PCDHA2: variants seen among roughly 807,000 people sequenced by gnomAD.
The protein encoded by PCDHA2 is protocadherin alpha 2.
In PCDHA2, 58 loss-of-function variants were observed where a neutral mutation model predicts 66.0. That is an observed-to-expected ratio of 0.88 (90% CI 0.71 to 1.09). The LOEUF is 1.09. Ranked by LOEUF, PCDHA2 falls within the 50% of genes least tolerant of loss-of-function variation. PCDHA2 has a pLI of 0.00. For synonymous variants in PCDHA2, 634 were observed against 554.0 expected (o/e 1.14, Z -2.03); for missense variants, 1,267 against 1,242.3 (o/e 1.02, Z -0.30).
chr5:140,850,213 C>G (rs2041430498), intron 1 of PCDHA2: 1 of 1,593,510 alleles, frequency 6.3e-7, no homozygotes, highest in Admixed American at 1.7e-5. Flanking sequence ...ATGAGGGGCA[C>G]TGACGGCGCA....
rs572205670 is a variant in PCDHA2 at position 140,933,229 on chromosome 5, G to A, written c.2389-45720G>A. ...TACATGTCTGTTATATTGCATTTAT[G>A]AAAAAGAAAGGACTATAAACACAAA... On this transcript the variant is annotated intron_variant, in intron 1 of 3. Coordinates refer to ENST00000526136, the MANE Select transcript of PCDHA2 (RefSeq NM_018905.3). Among the ~76,000 whole-genome samples, 114 of 151,958 alleles carry A rather than the reference G, an allele frequency of 7.5e-4. 1 individual carries two copies. The highest frequency in any genetic ancestry group is 1.5e-3 in the Non-Finnish European group (99 of 67,810).
At chr5:140,896,309 A>T (rs1554186897) in intron 1 of PCDHA2, among the ~76,000 whole-genome samples, 1 of 152,184 alleles carries the variant, frequency 6.6e-6, no homozygotes. Flanking sequence ...AAATCTTCAA[A>T]CTGCTTTCCA....
rs1430137096 is a variant in PCDHA2, at chr5:140,871,495, G to A, written c.2388+74143G>A. On this transcript the variant is annotated intron_variant, in intron 1 of 3. Transcript: ENST00000526136. ...GCCAGGGTCAAATCACCCCGGACAG[G>A]TGAGTTTTCTACAGATTCCACCTAT... 5 of 1,588,092 alleles carry A rather than the reference G, an allele frequency of 3.1e-6. No homozygotes were observed. The African/African-American group carries it at 6.7e-5, about 21-fold the overall frequency.
chr5:140,917,329 G>T lies in PCDHA2; in HGVS notation c.2389-61620G>T, dbSNP rs543216216. Among the ~76,000 whole-genome samples the T allele has an allele frequency of 4.9e-5, 7 of 143,930 alleles. 1 individual carries two copies. The highest frequency in any genetic ancestry group is 1.6e-4 in the African/African-American group (6 of 37,952). The allele number at this position is 143,930 out of a possible 152,430, so 94.4% of individuals were successfully genotyped here. A position where few individuals can be genotyped will look rare whatever the true frequency, so the allele number is the denominator to read the frequency against. ...ACAATTTGGTGTTCATGTGGCGGGG[G>T]AGGGGGGGGATGGTGTAGGCTTCTG... On this transcript the variant is annotated intron_variant, in intron 1 of 3. Coordinates refer to ENST00000526136, the MANE Select transcript of PCDHA2 (RefSeq NM_018905.3).
chr5:140,808,730 G>C lies in PCDHA2; in HGVS notation c.2388+11378G>C, dbSNP rs1554124735. The C allele has an allele frequency of 8.1e-6, 13 of 1,612,052 alleles. No individual in the cohort carries two copies. The highest frequency in any genetic ancestry group is 6.7e-5 in the Admixed American group (4 of 60,000). On this transcript the variant is annotated intron_variant, in intron 1 of 3. Transcript: ENST00000526136. The stretch of plus-strand genomic sequence containing the variant: ...CTACGTTTCGGTGCATGCGGAGAGC[G>C]GCAAGGTGTACGCGCTGCAGCCGCT...
chr5:140,975,868 C>T (rs553871611), intron 1 of PCDHA2, among the ~76,000 whole-genome samples: 2 of 152,222 alleles, frequency 1.3e-5, no homozygotes, highest in East Asian at 3.9e-4. Flanking sequence ...ATATGGACTA[C>T]CTAATTGATT....
intron 1 of PCDHA2, chr5:140,842,623 G>A (rs1778148921): frequency 4.4e-6 from 7 of 1,579,148 alleles, no homozygotes; most frequent in Middle Eastern, 1.7e-4. Flanking sequence ...GCTCGCCTTC[G>A]CTGTGGGCCA....
At chr5:140,869,558 T>A in intron 1 of PCDHA2, 1 of 1,614,200 alleles carries the variant, frequency 6.2e-7, no homozygotes, top group Non-Finnish European at 8.5e-7. Flanking sequence ...GACTCGCGTT[T>A]TCCACTAGAG....
chr5:140,939,283 GATCTAATC>G lies in PCDHA2; in HGVS notation c.2389-39661_2389-39654del, dbSNP rs1257109202. ...TCTTTTATGAGAGCTGTGCCCTCGT[GATCTAATC>G]ATCTCTACAAAAGCCCTACCTCCTA... On this transcript the variant is annotated intron_variant, in intron 1 of 3. Coordinates refer to ENST00000526136, the MANE Select transcript of PCDHA2 (RefSeq NM_018905.3). Among the ~76,000 whole-genome samples the G allele has an allele frequency of 2.0e-5, 3 of 152,184 alleles. No homozygotes were observed. In the East Asian group the frequency reaches 5.8e-4, roughly 29 times the overall value.
chr5:140,896,854 C>T (rs1211925701), intron 1 of PCDHA2, among the ~76,000 whole-genome samples: 4 of 152,004 alleles, frequency 2.6e-5, no homozygotes, highest in Non-Finnish European at 5.9e-5. Context: ...TTTATGGGTA[C>T]ATAATAAGTG....
intron 1 of PCDHA2, chr5:140,806,974 C>G (rs1470394159): frequency 1.6e-6 from 1 of 618,728 alleles, no homozygotes. Flanking sequence ...TTGCTACTTA[C>G]GGTTTGGAGC....
At chr5:140,882,112 C>T (rs1399071152) in intron 1 of PCDHA2, 2 of 1,384,570 alleles carry the variant, frequency 1.4e-6, no homozygotes, top group Non-Finnish European at 1.9e-6. Flanking sequence ...CGAAGAAAGC[C>T]GCCGTTTCTT....
chr5:140,824,579 G>T, intron 1 of PCDHA2: 1 of 152,702 alleles, frequency 6.5e-6, no homozygotes. Flanking sequence ...AGCCGCCCAA[G>T]TAGCTGGACT....
chr5:140,890,488 T>C (rs1022131727), intron 1 of PCDHA2, among the ~76,000 whole-genome samples: 20 of 152,340 alleles, frequency 1.3e-4, no homozygotes, highest in African/African-American at 4.8e-4. Flanking sequence ...GTTATTTTTG[T>C]CTCACCATTT....
chr5:140,869,663 A>G (rs782419090), intron 1 of PCDHA2: 5 of 1,613,538 alleles, frequency 3.1e-6, no homozygotes, highest in Non-Finnish European at 4.2e-6. Flanking sequence ...ACAAATGGTA[A>G]GCAGATTAAA....
chr5:140,856,970 G>T (rs2044296852), intron 1 of PCDHA2: 1 of 1,592,058 alleles, frequency 6.3e-7, no homozygotes, highest in Non-Finnish European at 8.6e-7. Flanking sequence ...TGATGCTATT[G>T]ACTTTGAGGA....
At chr5:140,906,736 A>G (rs1554192686) in intron 1 of PCDHA2, among the ~76,000 whole-genome samples, 1 of 152,132 alleles carries the variant, frequency 6.6e-6, no homozygotes, top group Admixed American at 6.5e-5. Context: ...GTAGTTTCCC[A>G]TTGACACAGG....
chr5:140,941,199 C>CTT (rs879983584), intron 1 of PCDHA2, among the ~76,000 whole-genome samples: 22 of 115,972 alleles, frequency 1.9e-4, no homozygotes, highest in African/African-American at 6.6e-4. Context: ...TTTTTTCTTT[C>CTT]TTCCTTTCTT....
chr5:140,882,555 G>A (rs1554174539), intron 1 of PCDHA2: 1 of 1,614,272 alleles, frequency 6.2e-7, no homozygotes, highest in Admixed American at 1.7e-5. Flanking sequence ...GAGGAGCTGT[G>A]TGGGCGGAGC....
Sources: allele counts gnomAD v4.1 joint callset (sites outside exome capture counted in the v4.1 genomes callset), GRCh38; gene constraint gnomAD v4.1.1; transcripts MANE v1.5; gene names NCBI Gene and HGNC (gene_info 2026-07-23, HGNC 2026-07-21).